Variants in PCF11 observed in about 807,000 individuals in gnomAD.
The protein encoded by PCF11 is pre-mRNA cleavage complex 2 protein Pcf11.
A neutral mutation model predicts 166.1 loss-of-function variants in PCF11; 19 were observed. That is an observed-to-expected ratio of 0.11 (90% CI 0.08 to 0.17). The LOEUF (loss-of-function observed/expected upper bound fraction) is 0.17. PCF11 is among the 10% of genes least tolerant of loss of function. The pLI, the probability that PCF11 is intolerant of heterozygous loss-of-function variation, is 1.00. For missense variants in PCF11, 1,565 were observed against 1,855.5 expected (o/e 0.84, Z 2.88); for synonymous variants, 663 against 644.1 (o/e 1.03, Z -0.44).
chr11:83,168,284 AT>A (rs1860543958), intron 7 of PCF11, 143 bp from the exon 8 acceptor site: 1 of 740,194 alleles, frequency 1.4e-6, no homozygotes, highest in African/African-American at 1.8e-5. Context: ...TCTAGAGGGC[AT>A]CCTCTTATCT....
chr11:83,176,148 A>G (rs1860871700), intron 9 of PCF11, among the ~76,000 whole-genome samples: 1 of 152,214 alleles, frequency 6.6e-6, no homozygotes, highest in African/African-American at 2.4e-5. Flanking sequence ...AAGATGAGGA[A>G]GAGAGATTAG....
At chr11:83,174,310 T>C (rs929943051) in intron 9 of PCF11, among the ~76,000 whole-genome samples, 4 of 152,218 alleles carry the variant, frequency 2.6e-5, no homozygotes, top group Non-Finnish European at 4.4e-5. Context: ...ATTAGTCATC[T>C]GCTGTATGCT....
At chr11:83,185,456 A>ATC (rs1861253975) in exon 16 of PCF11, 2 of 152,146 alleles carry the variant, frequency 1.3e-5, no homozygotes, top group Middle Eastern at 3.2e-3. Flanking sequence ...AGATATATAT[A>ATC]TATATATACA....
intron 9 of PCF11, 77 bp downstream of exon 9, chr11:83,171,991 A>C: frequency 1.3e-6 from 1 of 750,990 alleles, no homozygotes; most frequent in Non-Finnish European, 2.4e-6. Flanking sequence ...TGTGAATTTT[A>C]GGAAATGACA....
intron 1 of PCF11, among the ~76,000 whole-genome samples, chr11:83,159,794 G>A (rs1422217491): frequency 2.6e-5 from 4 of 152,116 alleles, no homozygotes; most frequent in African/African-American, 9.7e-5. Context: ...TAGCTTCTCT[G>A]CGTTACTAAA....
intron 4 of PCF11, among the ~76,000 whole-genome samples, chr11:83,164,884 C>T (rs1860391929): frequency 6.6e-6 from 1 of 152,158 alleles, no homozygotes; most frequent in African/African-American, 2.4e-5. Context: ...CCAAAAACTA[C>T]AAAACTACAC....
At chr11:83,168,678 T>G (rs2135427297) in exon 8 of PCF11, 6 of 1,613,956 alleles carry the variant, frequency 3.7e-6, no homozygotes, top group South Asian at 1.1e-5. Context: ...CTCGAATTGA[T>G]GGACCTCCCA....
At chr11:83,172,077 A>T (rs1860709431) in intron 9 of PCF11, among the ~76,000 whole-genome samples, 163 bp downstream of exon 9, 1 of 152,156 alleles carries the variant, frequency 6.6e-6, no homozygotes, top group Non-Finnish European at 1.5e-5. Flanking sequence ...AAGTTTATTT[A>T]CATTGTGGAT....
chr11:83,165,687 A>G (rs1386058310), exon 5 of PCF11: 4 of 1,613,648 alleles, frequency 2.5e-6, no homozygotes, highest in African/African-American at 1.3e-5. Flanking sequence ...GATTCCCCCT[A>G]TGGCAGTTAA....
At chr11:83,161,505 ATTAAATAAATATTTGCT>A in intron 2 of PCF11, 53 bp downstream of exon 2, 1 of 1,346,138 alleles carries the variant, frequency 7.4e-7, no homozygotes. Context: ...TGTGTTCCTG[ATTAAATAAATATTTGCT>A]TTGTGTTGGG....
intron 4 of PCF11, among the ~76,000 whole-genome samples, chr11:83,165,095 G>C (rs78714747): frequency 6.6e-6 from 1 of 152,188 alleles, no homozygotes; most frequent in Non-Finnish European, 1.5e-5. Flanking sequence ...AGGCCAGGAA[G>C]ATTATATCTT....
At chr11:83,166,177 A>G (rs1339461487) in exon 5 of PCF11, 11 of 1,604,304 alleles carry the variant, frequency 6.9e-6, no homozygotes, top group South Asian at 6.7e-5. Context: ...AAAACTGCAG[A>G]AAAAAAGGAT....
exon 9 of PCF11, chr11:83,171,826 T>C (rs755242257): frequency 1.9e-6 from 3 of 1,565,926 alleles, no homozygotes; most frequent in Non-Finnish European, 2.6e-6. Context: ...AGGTTCTGAG[T>C]GGTGTTGCTC....
intron 15 of PCF11, chr11:83,184,476 A>G (rs1052039507): frequency 2.3e-5 from 12 of 521,410 alleles, no homozygotes; most frequent in African/African-American, 2.2e-4. Flanking sequence ...TGCTTAACTC[A>G]CTGCTGAGTA....
chr11:83,182,997 A>C, intron 14 of PCF11, 41 bp from the exon 15 acceptor site: 1 of 1,128,082 alleles, frequency 8.9e-7, no homozygotes, highest in Non-Finnish European at 1.3e-6. Flanking sequence ...GCCCATTAGA[A>C]ATGAATACGC....
chr11:83,161,552 GT>G, intron 2 of PCF11, 100 bp downstream of exon 2: 1 of 870,710 alleles, frequency 1.1e-6, no homozygotes, highest in Non-Finnish European at 1.7e-6. Context: ...GTGGTGAAAT[GT>G]TTTATACTTT....
intron 1 of PCF11, among the ~76,000 whole-genome samples, chr11:83,161,040 AAC>A (rs1045508047): frequency 1.1e-4 from 16 of 152,308 alleles, no homozygotes; most frequent in African/African-American, 2.4e-4. Context: ...TGTCACTTAA[AAC>A]ACAGGTCTTT....
At chr11:83,158,409 T>G (rs1431293894) in intron 1 of PCF11, 1 of 152,120 alleles carries the variant, frequency 6.6e-6, no homozygotes, top group Non-Finnish European at 1.5e-5. Flanking sequence ...TACTTGCAGT[T>G]TCTCTGAAAA....
exon 1 of PCF11, chr11:83,157,309 C>T (rs1376217969): frequency 2.6e-6 from 2 of 763,256 alleles, no homozygotes; most frequent in Non-Finnish European, 4.2e-6. Context: ...ATCCCCCCTC[C>T]GCGGTCAGCA....
Sources: allele counts gnomAD v4.1 joint callset (sites outside exome capture counted in the v4.1 genomes callset), GRCh38; gene constraint gnomAD v4.1.1; transcripts MANE v1.5; gene names NCBI Gene and HGNC (gene_info 2026-07-23, HGNC 2026-07-21).